Variants in ESRRG observed in about 807,000 individuals in gnomAD.
ESRRG encodes estrogen-related receptor gamma.
Under a neutral mutation model 44.0 loss-of-function variants are expected in ESRRG, and 13 were observed. That is an observed-to-expected ratio of 0.30 (90% CI 0.19 to 0.47). The LOEUF is 0.47. Ranked by LOEUF, ESRRG falls within the 20% of genes least tolerant of loss-of-function variation. The pLI is 1.00. For missense variants in ESRRG, 395 were observed against 580.6 expected, an observed-to-expected ratio of 0.68 and a Z score of 3.29; for synonymous variants, 215 against 214.6, an observed-to-expected ratio of 1.00 and a Z score of -0.02.
chr1:216,556,516 C>T (rs2057613414), intron 5 of ESRRG, among the ~76,000 whole-genome samples: 1 of 152,172 alleles, frequency 6.6e-6, no homozygotes, highest in Non-Finnish European at 1.5e-5. Context: ...TTCAAAAGTT[C>T]CAATTTTAAT....
intron 2 of ESRRG, among the ~76,000 whole-genome samples, chr1:216,671,459 T>G (rs1348994033): frequency 2.0e-5 from 3 of 152,198 alleles, no homozygotes; most frequent in Admixed American, 2.0e-4. Flanking sequence ...CAAGGATAAC[T>G]CTGTGCTAGA....
intron 2 of ESRRG, among the ~76,000 whole-genome samples, chr1:216,655,244 C>T (rs2070164395): frequency 6.6e-6 from 1 of 152,060 alleles, no homozygotes; most frequent in South Asian, 2.1e-4. Flanking sequence ...TGTATTACGG[C>T]TGGTTTGGAT....
intron 1 of ESRRG, among the ~76,000 whole-genome samples, chr1:216,945,624 T>C (rs1560212177): frequency 2.0e-5 from 3 of 152,224 alleles, no homozygotes. Flanking sequence ...CAGATTCAGC[T>C]TGATGTACTG....
rs560419628 is a variant in ESRRG, at chr1:216,508,321, T to TA, written c.1133-1139dup. ...TATTTTGTTTAGTGTTTTTTTCACT[T>TA]ACATTGTCATTTTGAATCATTCCAC... On this transcript the variant is annotated intron_variant, in intron 6 of 6. Transcript: ENST00000408911. Among the ~76,000 whole-genome samples the TA allele has an allele frequency of 3.3e-3, 497 of 152,332 alleles. 4 individuals are homozygous for TA. The highest frequency in any genetic ancestry group is 0.011 in the African/African-American group (470 of 41,566).
At position 216,506,632 on chromosome 1, in the gene ESRRG, G is replaced by A. The variant is rs1171178849; in HGVS notation, c.*307C>T. 2.0e-6 allele frequency: 1 copy of A among 504,828 alleles called. No individual in the cohort carries two copies. Among genetic ancestry groups the A allele is most frequent in the Admixed American group, 2.3e-5 (1 of 43,854 alleles). The allele number at this position is 504,828 out of a possible 1,614,324, so 31.3% of individuals were successfully genotyped here. A position where few individuals can be genotyped will look rare whatever the true frequency, so the allele number is the denominator to read the frequency against. On this transcript the variant is annotated 3_prime_UTR_variant, in exon 7 of 7. Coordinates refer to ENST00000408911, the MANE Select transcript of ESRRG (RefSeq NM_001438.4). ...GGCAGGCAGACGGGAAGAAAATAAA[G>A]GAGAATGGGAACTAGGAATGAAAGA...
At chr1:217,102,580 T>A (rs2092533123) in intron 1 of ESRRG, among the ~76,000 whole-genome samples, 1 of 152,204 alleles carries the variant, frequency 6.6e-6, no homozygotes, top group African/African-American at 2.4e-5. Context: ...TGCACACTTT[T>A]AAAAAGTTAA....
chr1:216,621,265 G>A (rs1285190584), intron 3 of ESRRG, among the ~76,000 whole-genome samples: 1 of 152,044 alleles, frequency 6.6e-6, no homozygotes, highest in Non-Finnish European at 1.5e-5. Flanking sequence ...TGTTTTATTG[G>A]AAAATTATGC....
chr1:216,783,857 C>T (rs995101684), intron 2 of ESRRG, among the ~76,000 whole-genome samples: 3 of 152,002 alleles, frequency 2.0e-5, no homozygotes, highest in East Asian at 1.9e-4. Flanking sequence ...TTCCCATTAT[C>T]GATTTACAAA....
chr1:216,971,405 T>G (rs1036968776), intron 1 of ESRRG, among the ~76,000 whole-genome samples: 1 of 152,174 alleles, frequency 6.6e-6, no homozygotes, highest in African/African-American at 2.4e-5. Flanking sequence ...GTACACGTAT[T>G]GGAAATGCGT....
At chr1:216,814,886 G>A (rs1190851312) in intron 2 of ESRRG, among the ~76,000 whole-genome samples, 1 of 152,180 alleles carries the variant, frequency 6.6e-6, no homozygotes, top group Non-Finnish European at 1.5e-5. Context: ...TAGCTGTGAG[G>A]AGATACTGAT....
chr1:216,770,633 C>T (rs76985361), intron 2 of ESRRG, among the ~76,000 whole-genome samples: 1,618 of 151,988 alleles, frequency 0.011, 33 homozygotes, highest in African/African-American at 0.037. Flanking sequence ...CAATAAATAA[C>T]AGGTTAAAAT....
chr1:216,795,405 G>A (rs1450345836), intron 2 of ESRRG, among the ~76,000 whole-genome samples: 9 of 136,248 alleles, frequency 6.6e-5, no homozygotes, highest in South Asian at 4.5e-4. Flanking sequence ...GTGCAATGGC[G>A]TGATCCTGGC....
At chr1:216,513,003 A>G (rs754211488) in intron 6 of ESRRG, among the ~76,000 whole-genome samples, 5 of 152,194 alleles carry the variant, frequency 3.3e-5, no homozygotes, top group Non-Finnish European at 7.4e-5. Context: ...TAGAGTCTCC[A>G]GAGGGAGTGA....
At chr1:216,766,667 A>G (rs1361663522) in intron 2 of ESRRG, among the ~76,000 whole-genome samples, 1 of 152,100 alleles carries the variant, frequency 6.6e-6, no homozygotes, top group Non-Finnish European at 1.5e-5. Context: ...ATGGCAACAA[A>G]TGCTTCACTA....
At chr1:216,630,293 A>G (rs776613378) in intron 3 of ESRRG, among the ~76,000 whole-genome samples, 1 of 152,152 alleles carries the variant, frequency 6.6e-6, no homozygotes, top group African/African-American at 2.4e-5. Context: ...ATCATAGACT[A>G]TCAGCCTGAA....
intron 2 of ESRRG, among the ~76,000 whole-genome samples, chr1:216,792,287 T>A (rs553230591): frequency 2.6e-5 from 4 of 152,168 alleles, no homozygotes; most frequent in Non-Finnish European, 5.9e-5. Flanking sequence ...TAGTCCTGTA[T>A]TATGCAAGAA....
chr1:216,753,060 C>T (rs2092173763), intron 2 of ESRRG, among the ~76,000 whole-genome samples: 1 of 151,900 alleles, frequency 6.6e-6, no homozygotes, highest in Non-Finnish European at 1.5e-5. Context: ...TGATGTCTCA[C>T]TTCTATTAAT....
intron 2 of ESRRG, among the ~76,000 whole-genome samples, chr1:216,807,804 G>C (rs1455556239): frequency 6.6e-6 from 1 of 152,108 alleles, no homozygotes; most frequent in Non-Finnish European, 1.5e-5. Context: ...TATCTAAGAA[G>C]CCTGGCTCAT....
At chr1:216,566,164 A>C (rs1215373813) in intron 4 of ESRRG, among the ~76,000 whole-genome samples, 1 of 152,150 alleles carries the variant, frequency 6.6e-6, no homozygotes, top group Admixed American at 6.5e-5. Context: ...GAATCAATAG[A>C]ACCCAATTTT....
Sources: gnomAD v4.1 joint callset for allele counts (sites outside exome capture counted in the v4.1 genomes callset) on GRCh38, gnomAD v4.1.1 for gene constraint, MANE v1.5 for transcripts, NCBI Gene and HGNC (gene_info 2026-07-23, HGNC 2026-07-21) for gene names.